The following SETBP1 variants were observed in gnomAD, a reference collection of about 807,000 sequenced individuals.
The protein encoded by SETBP1 is SET-binding protein.
A neutral mutation model predicts 101.0 loss-of-function variants in SETBP1; 9 were observed. The observed-to-expected ratio is 0.09, with a 90% CI of 0.05 to 0.16. SETBP1 has a LOEUF of 0.16. Among genes scored for constraint, SETBP1 ranks in the 10% least tolerant of loss-of-function variants. The pLI, the probability that SETBP1 is intolerant of heterozygous loss-of-function variation, is 1.00. For missense variants in SETBP1, 1,858 were observed against 2,033.8 expected (o/e 0.91, Z 1.66); for synonymous variants, 818 against 788.5 (o/e 1.04, Z -0.63).
rs535258502 is a variant in SETBP1, at chr18:45,029,267, G to T, written c.4001-9218G>T. On this transcript the variant is annotated intron_variant, in intron 4 of 5. Transcript: ENST00000649279. Reference sequence around the variant, plus strand: ...TTCCCAGCACCATTTATTAAATAGGGAATCCTTTCCCCATTGCTTGTTTTT... The same window carrying T: ...TTCCCAGCACCATTTATTAAATAGGTAATCCTTTCCCCATTGCTTGTTTTT... 1.3e-3 allele frequency among the ~76,000 whole-genome samples: 196 copies of T among 152,076 alleles called. 2 individuals carry two copies. Among genetic ancestry groups the T allele is most frequent in the Non-Finnish European group, 2.3e-3 (155 of 67,958 alleles).
rs537693683 is a variant in SETBP1 at position 44,951,214 on chromosome 18, G to A, written c.1874G>A (p.Arg625Gln). The change falls in exon 4 of 6, where the codon CGA becomes CAA. Residue 625 changes from arginine to glutamine, a missense_variant. This residue lies in a region of SETBP1 where 111 missense variants were observed against 119.3 expected (regional missense o/e 0.93). Coordinates refer to ENST00000649279, the MANE Select transcript of SETBP1 (RefSeq NM_015559.3). The surrounding 1 kb of genome is among the most constrained non-coding windows in gnomAD (Gnocchi z 7.8). ...REFPGTKKRK[R>Q]RRNLAKLAQL... ...TTTCCTGGCACTAAGAAAAGAAAGCGACGACGCAATTTAGCGAAGTTGGCC... is the reference window on the plus strand; with the variant it reads ...TTTCCTGGCACTAAGAAAAGAAAGCAACGACGCAATTTAGCGAAGTTGGCC... The A allele has an allele frequency of 9.9e-6, 16 of 1,614,122 alleles. No homozygotes were observed. Among genetic ancestry groups the A allele is most frequent in the Admixed American group, 6.7e-5 (4 of 60,020 alleles).
At chr18:44,994,450 C>T (rs191504367) in intron 4 of SETBP1, among the ~76,000 whole-genome samples, 4 of 152,100 alleles carry the variant, frequency 2.6e-5, no homozygotes, top group Non-Finnish European at 5.9e-5. Flanking sequence ...CCAGTTGACA[C>T]AAAAATTTTG....
rs564804705 is a variant in SETBP1 at position 44,884,240 on chromosome 18, G to A, written c.540+14957G>A. Among the ~76,000 whole-genome samples, 14 of 152,312 alleles carry A rather than the reference G, an allele frequency of 9.2e-5. No individual in the cohort carries two copies. The South Asian group carries it at 2.3e-3, about 25-fold the overall frequency. On this transcript the variant is annotated intron_variant, in intron 3 of 5. Transcript: ENST00000649279. ...TGTTCAAGGTGGATTACTCCTCTGA[G>A]CCTCAGTGTTCTCATGCATGCAATG...
chr18:44,800,972 T>C (rs1419985565), intron 2 of SETBP1, among the ~76,000 whole-genome samples: 1 of 152,126 alleles, frequency 6.6e-6, no homozygotes, highest in Non-Finnish European at 1.5e-5. Context: ...TGAGTTCACG[T>C]CCTTTGTAGG....
At chr18:44,855,654 T>C (rs543349216) in intron 2 of SETBP1, among the ~76,000 whole-genome samples, 3 of 152,212 alleles carry the variant, frequency 2.0e-5, no homozygotes, top group African/African-American at 7.2e-5. Flanking sequence ...ATCTTGGGAG[T>C]ATTTACACTA....
intron 4 of SETBP1, among the ~76,000 whole-genome samples, chr18:44,962,913 G>C (rs113628317): frequency 0.053 from 8,022 of 152,152 alleles, 743 homozygotes; most frequent in African/African-American, 0.18. Flanking sequence ...GAGATAAAAA[G>C]CTTTCCCTGA....
At chr18:44,901,578 G>T (rs1341191834) in intron 3 of SETBP1, among the ~76,000 whole-genome samples, 2 of 152,138 alleles carry the variant, frequency 1.3e-5, no homozygotes, top group East Asian at 1.9e-4. Flanking sequence ...GTGGGGAATG[G>T]GTGGCACAAC....
At chr18:44,943,781 CCCA>C (rs2071138494) in intron 3 of SETBP1, among the ~76,000 whole-genome samples, 1 of 152,074 alleles carries the variant, frequency 6.6e-6, no homozygotes, top group South Asian at 2.1e-4. Flanking sequence ...GGTTTGGAAT[CCCA>C]CAGTGGGAGG....
chr18:45,052,092 G>A (rs142637629), intron 5 of SETBP1, among the ~76,000 whole-genome samples: 33 of 152,350 alleles, frequency 2.2e-4, no homozygotes, highest in African/African-American at 7.0e-4. Flanking sequence ...TCCATGCCCC[G>A]TACAGTGCCT....
chr18:44,919,345 A>G (rs1171604175), intron 3 of SETBP1, among the ~76,000 whole-genome samples: 4 of 138,716 alleles, frequency 2.9e-5, no homozygotes, highest in Non-Finnish European at 6.2e-5. Flanking sequence ...AAATCCCCCC[A>G]TCTTTTTTTT....
rs142727384 is a variant in SETBP1 at position 44,833,517 on chromosome 18, C to T, written c.487-35713C>T. Among the ~76,000 whole-genome samples the T allele has an allele frequency of 1.1e-3, 165 of 152,318 alleles. 1 individual carries two copies. Among genetic ancestry groups the T allele is most frequent in the African/African-American group, 3.8e-3 (159 of 41,570 alleles). On this transcript the variant is annotated intron_variant, in intron 2 of 5. Transcript: ENST00000649279. The stretch of plus-strand genomic sequence containing the variant: ...TCTGTCCTTTGGCCTTCCTGCATTA[C>T]ATGGGCCTGGGAACTGGACCAGAAG...
At position 45,031,922 on chromosome 18, in the gene SETBP1, T is replaced by C. The variant is rs1260067616; in HGVS notation, c.4001-6563T>C. Among the ~76,000 whole-genome samples the C allele has an allele frequency of 2.0e-5, 3 of 152,220 alleles. No homozygotes were observed. The East Asian group carries it at 5.8e-4, about 29-fold the overall frequency. The stretch of plus-strand genomic sequence containing the variant: ...TTTTTCCCAGCTGCCTTTCCAGGCA[T>C]AGCTCAGTATTTGTTTTTTTACAAC... On this transcript the variant is annotated intron_variant, in intron 4 of 5. Coordinates refer to ENST00000649279, the MANE Select transcript of SETBP1 (RefSeq NM_015559.3).
intron 2 of SETBP1, among the ~76,000 whole-genome samples, chr18:44,831,611 C>G (rs1376514506): frequency 6.6e-6 from 1 of 152,114 alleles, no homozygotes; most frequent in Non-Finnish European, 1.5e-5. Flanking sequence ...ACTCAGAATC[C>G]TCATTTATAA....
intron 2 of SETBP1, among the ~76,000 whole-genome samples, chr18:44,834,740 G>T (rs2072458886): frequency 6.6e-6 from 1 of 152,202 alleles, no homozygotes; most frequent in Non-Finnish European, 1.5e-5. Context: ...TGCCCTCAAG[G>T]AGTTGTGTAG....
chr18:44,873,109 G>T (rs1296016150), intron 3 of SETBP1, among the ~76,000 whole-genome samples: 1 of 151,902 alleles, frequency 6.6e-6, no homozygotes, highest in Non-Finnish European at 1.5e-5. Flanking sequence ...GAACACATAG[G>T]AAAACATGTT....
At chr18:44,989,881 AAAAAAAAAAAAAAAAAAAAAAAAAAAT>A (rs2072323139) in intron 4 of SETBP1, among the ~76,000 whole-genome samples, 2 of 123,434 alleles carry the variant, frequency 1.6e-5, no homozygotes, top group Admixed American at 1.6e-4. Context: ...AAAAAAAAAA[AAAAAAAAAAAAAAAAAAAAAAAAAAAT>A]TTATCTAAGT....
intron 1 of SETBP1, among the ~76,000 whole-genome samples, chr18:44,698,018 G>A (rs1462242059): frequency 6.6e-6 from 1 of 152,192 alleles, no homozygotes; most frequent in East Asian, 1.9e-4. Context: ...TGTGGAGACT[G>A]GTTTGACTTG....
At chr18:44,862,383 C>T (rs895803233) in intron 2 of SETBP1, among the ~76,000 whole-genome samples, 2 of 152,146 alleles carry the variant, frequency 1.3e-5, no homozygotes, top group African/African-American at 4.8e-5. Flanking sequence ...CAGGTTTAAC[C>T]TTTAAAATTT....
chr18:44,970,114 T>G (rs922549294), intron 4 of SETBP1: 5 of 154,798 alleles, frequency 3.2e-5, no homozygotes, highest in African/African-American at 1.2e-4. Flanking sequence ...TGAGCACTCA[T>G]ATAACGTCCT....
Sources: allele counts gnomAD v4.1 joint callset (sites outside exome capture counted in the v4.1 genomes callset), GRCh38; gene constraint gnomAD v4.1.1; regional missense constraint gnomAD v4.1.1; non-coding constraint Gnocchi (gnomAD v3.1); transcripts MANE v1.5; gene names NCBI Gene and HGNC (gene_info 2026-07-23, HGNC 2026-07-21).